The following SRGAP1 variants were observed in gnomAD, a reference collection of about 807,000 sequenced individuals.
SRGAP1 encodes the protein SLIT-ROBO Rho GTPase activating protein 1, also known as SLIT-ROBO Rho GTPase-activating protein 1.
In SRGAP1, 43 loss-of-function variants were observed where a neutral mutation model predicts 121.9. The observed-to-expected ratio is 0.35, with a 90% CI of 0.28 to 0.46. The LOEUF is 0.46. Ranked by LOEUF, SRGAP1 falls within the 20% of genes least tolerant of loss-of-function variation. The probability of loss-of-function intolerance (pLI) is 1.00; values close to 1 mark genes in which losing one functional copy is unlikely to be tolerated. For missense variants in SRGAP1, 1,102 were observed against 1,350.9 expected (o/e 0.82, Z 2.89); for synonymous variants, 447 against 485.4 (o/e 0.92, Z 1.04).
intron 1 of SRGAP1, among the ~76,000 whole-genome samples, chr12:63,847,941 G>C (rs1404165396): frequency 6.6e-6 from 1 of 150,902 alleles, no homozygotes; most frequent in Non-Finnish European, 1.5e-5. Flanking sequence ...CAGAATTTTT[G>C]AGATAATGTT....
intron 1 of SRGAP1, chr12:63,871,733 CA>C: frequency 2.0e-6 from 2 of 991,758 alleles, no homozygotes; most frequent in South Asian, 2.9e-5. Context: ...AAAAATATTC[CA>C]AAGTTTAGAA....
chr12:63,987,582 C>T (rs558145887), intron 2 of SRGAP1, among the ~76,000 whole-genome samples: 2 of 152,128 alleles, frequency 1.3e-5, no homozygotes, highest in South Asian at 4.2e-4. Context: ...ATTAGCCGGG[C>T]ATGGTGGCAG....
At chr12:63,958,437 A>G (rs2032539923) in intron 1 of SRGAP1, among the ~76,000 whole-genome samples, 1 of 152,140 alleles carries the variant, frequency 6.6e-6, no homozygotes, top group African/African-American at 2.4e-5. Flanking sequence ...TAATTACAAA[A>G]TTGTCTACTA....
Position 64,147,834 on chromosome 12 carries a change from T to C in SRGAP1, c.*5162T>C. The C allele has an allele frequency of 2.5e-6, 1 of 396,494 alleles. No homozygotes were observed. The allele number at this position is 396,494 out of a possible 1,614,324, so 24.6% of individuals were successfully genotyped here. On this transcript the variant is annotated 3_prime_UTR_variant, in exon 22 of 22. Transcript: ENST00000355086. ...TTATAATAAATAAGATAGTTCTGGC[T>C]GCCTTTGTCTGCTTCCAGTTTGATG... is the stretch of plus-strand genomic sequence containing the variant.
chr12:63,869,882 T>A (rs1899790195), intron 1 of SRGAP1, among the ~76,000 whole-genome samples: 4 of 152,180 alleles, frequency 2.6e-5, no homozygotes, highest in Admixed American at 2.6e-4. Flanking sequence ...GTGTTCTTTT[T>A]TAAGAGAGGT....
intron 14 of SRGAP1, among the ~76,000 whole-genome samples, chr12:64,095,807 C>T (rs1285287086): frequency 6.6e-6 from 1 of 152,104 alleles, no homozygotes; most frequent in Non-Finnish European, 1.5e-5. Context: ...TTAACCCAGG[C>T]ATACAGTGTG....
At chr12:63,936,714 T>C (rs1565957971) in intron 1 of SRGAP1, among the ~76,000 whole-genome samples, 1 of 152,174 alleles carries the variant, frequency 6.6e-6, no homozygotes, top group Admixed American at 6.5e-5. Flanking sequence ...AATTTCCTTA[T>C]TGTGTAAAGC....
At chr12:63,912,354 TC>T (rs145605567) in intron 1 of SRGAP1, among the ~76,000 whole-genome samples, 5,553 of 152,206 alleles carry the variant, frequency 0.036, 156 homozygotes, top group Middle Eastern at 0.1. Context: ...AGACCTGTAA[TC>T]CCAGCACTTT....
rs543353786 is a variant in SRGAP1 at position 64,155,774 on chromosome 12, A to C, written c.*13102A>C. ...CAGCCTCCAGAGCAGCTGGGACTAC[A>C]AGTGCGCACAACCACACCCAGCTAA... On this transcript the variant is annotated 3_prime_UTR_variant, in exon 22 of 22. Transcript: ENST00000355086. 1 of 151,874 alleles carries C rather than the reference A, an allele frequency of 6.6e-6. No homozygotes were observed. The highest frequency in any genetic ancestry group is 1.5e-5 in the Non-Finnish European group (1 of 68,018). 9.4% of individuals were successfully genotyped at this position (151,874 alleles called of 1,614,324 possible). A position where few individuals can be genotyped will look rare whatever the true frequency, so the allele number is the denominator to read the frequency against.
chr12:64,113,263 C>G (rs1012510719), intron 17 of SRGAP1, among the ~76,000 whole-genome samples: 1 of 152,000 alleles, frequency 6.6e-6, no homozygotes, highest in African/African-American at 2.4e-5. Flanking sequence ...CAAAAATTAG[C>G]CAGGCATGGT....
intron 1 of SRGAP1, among the ~76,000 whole-genome samples, chr12:63,942,743 C>T (rs1436665579): frequency 6.6e-6 from 1 of 152,220 alleles, no homozygotes; most frequent in Non-Finnish European, 1.5e-5. Context: ...TATCCTACTC[C>T]TGCCTTCCAT....
chr12:64,003,478 G>GA (rs531819299), intron 3 of SRGAP1, among the ~76,000 whole-genome samples: 1,536 of 42,732 alleles, frequency 0.036, 35 homozygotes, highest in East Asian at 0.1. Flanking sequence ...GGAAGTTTCA[G>GA]AAAAAAAAAA....
chr12:63,997,746 A>C (rs891574529), intron 3 of SRGAP1, among the ~76,000 whole-genome samples: 1 of 152,082 alleles, frequency 6.6e-6, no homozygotes, highest in African/African-American at 2.4e-5. Flanking sequence ...TCATCCCCAA[A>C]TGCTGCTTAT....
intron 1 of SRGAP1, among the ~76,000 whole-genome samples, chr12:63,961,067 T>C (rs1255266560): frequency 6.6e-6 from 1 of 152,170 alleles, no homozygotes; most frequent in African/African-American, 2.4e-5. Flanking sequence ...TGATTTTTTT[T>C]CCCCACTAGA....
intron 12 of SRGAP1, among the ~76,000 whole-genome samples, chr12:64,093,983 T>C: frequency 6.6e-6 from 1 of 152,200 alleles, no homozygotes; most frequent in Non-Finnish European, 1.5e-5. Flanking sequence ...AACCAACTTT[T>C]TCTTGCATTT....
intron 1 of SRGAP1, among the ~76,000 whole-genome samples, chr12:63,854,136 A>G (rs971865431): frequency 2.6e-5 from 4 of 152,214 alleles, no homozygotes; most frequent in African/African-American, 9.7e-5. Flanking sequence ...AAACATTACC[A>G]GTGCCTTAGA....
At chr12:64,124,421 C>T (rs969518580) in intron 18 of SRGAP1, among the ~76,000 whole-genome samples, 3 of 152,312 alleles carry the variant, frequency 2.0e-5, no homozygotes, top group Middle Eastern at 3.4e-3. Flanking sequence ...TACACGTATT[C>T]TAGAGTATTT....
intron 11 of SRGAP1, among the ~76,000 whole-genome samples, chr12:64,089,046 G>T (rs2035999383): frequency 6.6e-6 from 1 of 152,182 alleles, no homozygotes; most frequent in Non-Finnish European, 1.5e-5. Context: ...GACCCCAGAA[G>T]TACTGCCCCT....
At chr12:64,020,948 A>AC (rs140460066) in intron 4 of SRGAP1, among the ~76,000 whole-genome samples, 1 of 46,540 alleles carries the variant, frequency 2.1e-5, no homozygotes, top group Non-Finnish European at 5.8e-5. Flanking sequence ...TCTGTCTCAC[A>AC]AAAAAAAAAA....
Sources: gnomAD v4.1 joint callset for allele counts (sites outside exome capture counted in the v4.1 genomes callset) on GRCh38, gnomAD v4.1.1 for gene constraint, MANE v1.5 for transcripts, NCBI Gene and HGNC (gene_info 2026-07-23, HGNC 2026-07-21) for gene names.